The following FBXO15 variants were observed in gnomAD, a reference collection of about 807,000 sequenced individuals.
FBXO15 encodes F-box only protein 15.
In FBXO15, 30 loss-of-function variants were observed where a neutral mutation model predicts 49.5. The observed-to-expected ratio is 0.61, with a 90% CI of 0.45 to 0.82. The LOEUF (loss-of-function observed/expected upper bound fraction) is 0.82, where lower values mean the gene tolerates loss of function less well. Among genes scored for constraint, FBXO15 ranks in the 40% least tolerant of loss-of-function variants. The probability of loss-of-function intolerance (pLI) is 0.00; values close to 1 mark genes in which losing one functional copy is unlikely to be tolerated. For synonymous variants in FBXO15, 250 were observed against 232.7 expected (o/e 1.07, Z -0.68); for missense variants, 591 against 631.5 (o/e 0.94, Z 0.69).
chr18:74,127,439 G>C (rs368985184), intron 5 of FBXO15, among the ~76,000 whole-genome samples: 14 of 152,296 alleles, frequency 9.2e-5, no homozygotes, highest in African/African-American at 3.4e-4. Context: ...TGACTAGAAA[G>C]GTATAAATTA....
chr18:74,100,521 C>A (rs1913469304), intron 8 of FBXO15, among the ~76,000 whole-genome samples: 1 of 151,738 alleles, frequency 6.6e-6, no homozygotes, highest in African/African-American at 2.4e-5. Flanking sequence ...GAAAAAAGAA[C>A]AAACCAAACC....
intron 8 of FBXO15, among the ~76,000 whole-genome samples, chr18:74,082,297 G>A (rs1912537650): frequency 6.6e-6 from 1 of 152,188 alleles, no homozygotes; most frequent in Non-Finnish European, 1.5e-5. Flanking sequence ...GGGGAAGCTG[G>A]CTGAGGCGAG....
intron 8 of FBXO15, among the ~76,000 whole-genome samples, chr18:74,122,417 T>C (rs146628462): frequency 0.01 from 1,564 of 152,332 alleles, 12 homozygotes; most frequent in Non-Finnish European, 0.015. Flanking sequence ...TGCTCTGCCT[T>C]TATAGAAGTT....
intron 1 of FBXO15, among the ~76,000 whole-genome samples, chr18:74,145,045 G>A (rs1252062652): frequency 1.3e-5 from 2 of 152,128 alleles, no homozygotes; most frequent in South Asian, 2.1e-4. Flanking sequence ...TTTAAATAAC[G>A]ATTAAGCAAA....
At chr18:74,104,536 C>G (rs536201743) in intron 8 of FBXO15, among the ~76,000 whole-genome samples, 2 of 152,024 alleles carry the variant, frequency 1.3e-5, no homozygotes, top group South Asian at 4.2e-4. Flanking sequence ...TACAAGAGAC[C>G]CACTTCACCT....
intron 8 of FBXO15, among the ~76,000 whole-genome samples, chr18:74,087,763 C>T (rs893010882): frequency 6.6e-6 from 1 of 152,182 alleles, no homozygotes; most frequent in African/African-American, 2.4e-5. Flanking sequence ...TGGTAATTCT[C>T]TTTGCAGTTC....
intron 5 of FBXO15, 64 bp from the exon 6 acceptor site, chr18:74,126,165 A>G (rs748572024): frequency 4.7e-5 from 75 of 1,593,372 alleles, no homozygotes; most frequent in Non-Finnish European, 5.9e-5. Context: ...AGTGTTGTCA[A>G]TTCTCTTTAG....
At chr18:74,126,496 A>G (rs1381428661) in intron 5 of FBXO15, among the ~76,000 whole-genome samples, 2 of 152,246 alleles carry the variant, frequency 1.3e-5, no homozygotes, top group African/African-American at 4.8e-5. Flanking sequence ...AAGCAAAGAT[A>G]CACTATTTCA....
intron 7 of FBXO15, 122 bp downstream of exon 7, chr18:74,124,365 TTG>T: frequency 1.4e-6 from 1 of 739,208 alleles, no homozygotes; most frequent in Admixed American, 2.5e-5. Flanking sequence ...GCCTGTTGGT[TTG>T]TGTTTACTGA....
intron 9 of FBXO15, chr18:74,078,596 G>C (rs1009727077): frequency 3.9e-5 from 6 of 152,160 alleles, no homozygotes; most frequent in African/African-American, 7.3e-5. Flanking sequence ...CCAACCTTCT[G>C]GGGGGGGATG....
intron 8 of FBXO15, among the ~76,000 whole-genome samples, chr18:74,094,703 T>A (rs914455326): frequency 3.9e-5 from 6 of 152,174 alleles, no homozygotes; most frequent in Admixed American, 2.0e-4. Flanking sequence ...CTCCTTAAGA[T>A]CCCTAGGATT....
chr18:74,125,852 T>G, intron 6 of FBXO15, 123 bp downstream of exon 6: 1 of 1,349,434 alleles, frequency 7.4e-7, no homozygotes, highest in Non-Finnish European at 1.0e-6. Flanking sequence ...GGTGAGATGG[T>G]AAAATGGATT....
At chr18:74,104,376 G>C (rs1314964941) in intron 8 of FBXO15, among the ~76,000 whole-genome samples, 1 of 152,018 alleles carries the variant, frequency 6.6e-6, no homozygotes, top group African/African-American at 2.4e-5. Flanking sequence ...GGACAGAAGG[G>C]TTACAAAACA....
intron 8 of FBXO15, among the ~76,000 whole-genome samples, chr18:74,086,261 G>GA (rs1912732466): frequency 6.6e-6 from 1 of 151,968 alleles, no homozygotes; most frequent in Non-Finnish European, 1.5e-5. Flanking sequence ...AAAAATAACT[G>GA]AAAAAAACTC....
At chr18:74,118,853 C>T (rs574726837) in intron 8 of FBXO15, among the ~76,000 whole-genome samples, 2 of 152,290 alleles carry the variant, frequency 1.3e-5, no homozygotes, top group African/African-American at 2.4e-5. Context: ...CTCTGCCAGA[C>T]GTTGAATTTG....
chr18:74,135,974 A>G (rs529149263), intron 2 of FBXO15, 108 bp from the exon 3 acceptor site: 106 of 777,968 alleles, frequency 1.4e-4, no homozygotes, highest in Non-Finnish European at 5.8e-5. Context: ...AAGGCCGTAG[A>G]GAGACCCCTC....
At position 74,130,649 on chromosome 18, in the gene FBXO15, C is replaced by T; in HGVS notation, c.342G>A (p.Trp114Ter). 1.2e-6 allele frequency: 2 copies of T among 1,611,288 alleles called. No homozygotes were observed. Among genetic ancestry groups the T allele is most frequent in the Non-Finnish European group, 1.7e-6 (2 of 1,178,268 alleles). ...FYHLANDNFI[W>*]IGIYSTAFSP... ...AAAAAGCAGTTGAGTAGATTCCGAT[C>T]CAAATAAAACTGGAGGGAAAAGAGG... Residue 114 changes from tryptophan to a stop codon, truncating the protein, a stop_gained, in exon 4 of 10, where the codon TGG (tryptophan) becomes TGA (stop). Transcript: ENST00000419743. LOFTEE classifies it high-confidence loss of function.
chr18:74,082,675 G>A (rs1478267018), intron 8 of FBXO15, among the ~76,000 whole-genome samples: 1 of 152,138 alleles, frequency 6.6e-6, no homozygotes, highest in African/African-American at 2.4e-5. Context: ...TGCTGCCACA[G>A]GCCTCTTGTG....
chr18:74,102,041 A>G (rs751520382), intron 8 of FBXO15, among the ~76,000 whole-genome samples: 1 of 151,852 alleles, frequency 6.6e-6, no homozygotes, highest in Non-Finnish European at 1.5e-5. Context: ...AAACCCTTCT[A>G]GACATTGGCT....
Sources: gnomAD v4.1 joint callset for allele counts (sites outside exome capture counted in the v4.1 genomes callset) on GRCh38, gnomAD v4.1.1 for gene constraint, MANE v1.5 for transcripts, NCBI Gene and HGNC (gene_info 2026-07-23, HGNC 2026-07-21) for gene names.